Variants in DOCK8 observed in about 807,000 individuals in gnomAD.
The protein encoded by DOCK8 is dedicator of cytokinesis protein 8.
A neutral mutation model predicts 245.6 loss-of-function variants in DOCK8; 141 were observed. The ratio of observed to expected loss-of-function variants is 0.57; its 90% CI spans 0.50 to 0.66. The LOEUF (loss-of-function observed/expected upper bound fraction) is 0.66, where lower values mean the gene tolerates loss of function less well. DOCK8 is among the 30% of genes least tolerant of loss of function. The pLI, the probability that DOCK8 is intolerant of heterozygous loss-of-function variation, is 0.00. For missense variants in DOCK8, 2,965 were observed against 2,603.4 expected (o/e 1.14, Z -3.02); for synonymous variants, 1,168 against 970.2 (o/e 1.20, Z -3.79).
At chr9:265,404 A>G (rs1476557701) in intron 1 of DOCK8, among the ~76,000 whole-genome samples, 1 of 152,234 alleles carries the variant, frequency 6.6e-6, no homozygotes, top group Non-Finnish European at 1.5e-5. Flanking sequence ...GGTTGCATGC[A>G]TAGGTACACC....
chr9:408,305 C>G (rs190019512), intron 28 of DOCK8, among the ~76,000 whole-genome samples: 1 of 152,202 alleles, frequency 6.6e-6, no homozygotes, highest in South Asian at 2.1e-4. Flanking sequence ...CCCAGGCTGA[C>G]ACCGCTGAAG....
At chr9:248,369 CCTTG>C (rs1451571115) in intron 1 of DOCK8, among the ~76,000 whole-genome samples, 1 of 152,200 alleles carries the variant, frequency 6.6e-6, no homozygotes, top group African/African-American at 2.4e-5. Context: ...ATTTTACCTT[CCTTG>C]CTTTCAAAGG....
At chr9:290,527 A>C (rs2048996265) in intron 4 of DOCK8, among the ~76,000 whole-genome samples, 1 of 152,206 alleles carries the variant, frequency 6.6e-6, no homozygotes, top group African/African-American at 2.4e-5. Flanking sequence ...CTGGCCTTCC[A>C]GTAAGGGATC....
chr9:269,102 G>A (rs994572235), intron 1 of DOCK8, among the ~76,000 whole-genome samples: 3 of 152,106 alleles, frequency 2.0e-5, no homozygotes, highest in Non-Finnish European at 4.4e-5. Context: ...TCACCCATGT[G>A]TACAGTTCAG....
intron 1 of DOCK8, among the ~76,000 whole-genome samples, chr9:269,823 G>T (rs67807549): frequency 6.6e-6 from 1 of 152,242 alleles, no homozygotes; most frequent in Non-Finnish European, 1.5e-5. Flanking sequence ...CCCCCAAAAT[G>T]CTGGGATTAC....
chr9:402,253 C>A (rs2055147787), intron 26 of DOCK8, among the ~76,000 whole-genome samples: 1 of 152,120 alleles, frequency 6.6e-6, no homozygotes, highest in African/African-American at 2.4e-5. Context: ...TAAATTCTTC[C>A]CTTTTCTTTT....
chr9:301,042 A>G (rs981315986), intron 4 of DOCK8, among the ~76,000 whole-genome samples: 1 of 152,228 alleles, frequency 6.6e-6, no homozygotes, highest in African/African-American at 2.4e-5. Flanking sequence ...CACAGCAGAA[A>G]AGAAAACTTC....
intron 5 of DOCK8, among the ~76,000 whole-genome samples, chr9:305,738 CAGAA>C (rs1477551933): frequency 2.0e-5 from 3 of 152,150 alleles, no homozygotes; most frequent in Admixed American, 1.3e-4. Flanking sequence ...AAATAGAAGA[CAGAA>C]AGAAAGCAAG....
At chr9:227,313 G>C (rs1215116714) in intron 1 of DOCK8, among the ~76,000 whole-genome samples, 1 of 152,198 alleles carries the variant, frequency 6.6e-6, no homozygotes, top group Non-Finnish European at 1.5e-5. Flanking sequence ...CCTCGTAGAG[G>C]TTTTGTTTAA....
chr9:316,271 A>G (rs904230059), intron 6 of DOCK8, among the ~76,000 whole-genome samples: 5 of 152,304 alleles, frequency 3.3e-5, no homozygotes, highest in Admixed American at 6.5e-5. Context: ...ATACTGCAAG[A>G]GTGGGAATTA....
At chr9:377,407 A>G (rs1011853369) in intron 20 of DOCK8, among the ~76,000 whole-genome samples, 196 bp downstream of exon 20, 4 of 152,234 alleles carry the variant, frequency 2.6e-5, no homozygotes, top group Non-Finnish European at 5.9e-5. Flanking sequence ...AAGAAACATT[A>G]AAATAGGGTT....
chr9:214,410 A>G, upstream of DOCK8: 1 of 1,254,378 alleles, frequency 8.0e-7, no homozygotes. Context: ...TATTGCTTGC[A>G]AAAGTTGATT....
intron 1 of DOCK8, among the ~76,000 whole-genome samples, chr9:226,891 A>C (rs1038395364): frequency 6.6e-6 from 1 of 152,240 alleles, no homozygotes; most frequent in Non-Finnish European, 1.5e-5. Context: ...GAAGGAAAAA[A>C]TATTGATATG....
Position 377,177 on chromosome 9 carries a change from G to A in DOCK8, c.2406G>A (p.Leu802=). ...TGGTGCTGGACAAGCTCTTCCAGCT[G>A]TCCGTGCAGCCCATGGTCATCGCTG... The part of the protein sequence containing the change: ...LHLVLDKLFQ[L]SVQPMVIAGQ... Residue 802 remains leucine, a synonymous_variant, in exon 20 of 48, where the codon CTG becomes CTA. Transcript: ENST00000432829. 1 of 1,602,032 alleles carries A rather than the reference G, an allele frequency of 6.2e-7. No homozygotes were observed. Among genetic ancestry groups the A allele is most frequent in the Middle Eastern group, 1.9e-4 (1 of 5,362 alleles).
At chr9:234,835 G>T (rs967935434) in intron 1 of DOCK8, among the ~76,000 whole-genome samples, 13 of 151,694 alleles carry the variant, frequency 8.6e-5, no homozygotes, top group Admixed American at 1.3e-4. Flanking sequence ...CTTTGCCATT[G>T]GTTTGAATTT....
At chr9:266,082 T>C (rs2048028493) in intron 1 of DOCK8, among the ~76,000 whole-genome samples, 1 of 152,148 alleles carries the variant, frequency 6.6e-6, no homozygotes, top group Non-Finnish European at 1.5e-5. Context: ...GGTTAAAAAG[T>C]TTAACGTGCA....
chr9:397,299 C>T (rs7028476), intron 25 of DOCK8, among the ~76,000 whole-genome samples: 61,448 of 147,662 alleles, frequency 0.42, 13,886 homozygotes, highest in East Asian at 0.72. Flanking sequence ...TGCAGTGAGC[C>T]GAGATGGTGC....
At chr9:313,362 C>T (rs1053717692) in intron 6 of DOCK8, among the ~76,000 whole-genome samples, 4 of 152,210 alleles carry the variant, frequency 2.6e-5, no homozygotes, top group Admixed American at 6.5e-5. Flanking sequence ...TCCACCTTCA[C>T]CAAATGTGGC....
intron 23 of DOCK8, among the ~76,000 whole-genome samples, chr9:390,234 G>C (rs916445088): frequency 1.3e-5 from 2 of 152,216 alleles, no homozygotes; most frequent in African/African-American, 2.4e-5. Flanking sequence ...CACTCCCTCA[G>C]ATGTGTCTGT....
Sources: allele counts gnomAD v4.1 joint callset (sites outside exome capture counted in the v4.1 genomes callset), GRCh38; gene constraint gnomAD v4.1.1; transcripts MANE v1.5; gene names NCBI Gene and HGNC (gene_info 2026-07-23, HGNC 2026-07-21).